Variants in DNER observed in about 807,000 individuals in gnomAD.
DNER encodes delta/notch like EGF repeat containing.
Under a neutral mutation model 78.2 loss-of-function variants are expected in DNER, and 33 were observed. That is an observed-to-expected ratio of 0.42 (90% CI 0.32 to 0.56). The LOEUF is 0.56. DNER is among the 20% of genes least tolerant of loss of function. DNER has a pLI of 0.11. For synonymous variants in DNER, 417 were observed against 384.8 expected, an observed-to-expected ratio of 1.08 and a Z score of -0.98; for missense variants, 918 against 975.3, an observed-to-expected ratio of 0.94 and a Z score of 0.78.
At chr2:229,636,747 C>A (rs1195068325) in intron 1 of DNER, among the ~76,000 whole-genome samples, 2 of 152,122 alleles carry the variant, frequency 1.3e-5, no homozygotes, top group Non-Finnish European at 2.9e-5. Context: ...TTACCAGACT[C>A]CTTTGCAGTT....
At chr2:229,454,990 C>T (rs1411171940) in intron 7 of DNER, among the ~76,000 whole-genome samples, 1 of 151,830 alleles carries the variant, frequency 6.6e-6, no homozygotes, top group Non-Finnish European at 1.5e-5. Flanking sequence ...TGAGGTACAG[C>T]AATTATGAGA....
chr2:229,628,798 G>C (rs775899486), intron 1 of DNER, among the ~76,000 whole-genome samples: 6 of 152,140 alleles, frequency 3.9e-5, no homozygotes, highest in Non-Finnish European at 8.8e-5. Context: ...AGGGAACCTA[G>C]TTCTAACATC....
chr2:229,635,452 T>C (rs1373389292), intron 1 of DNER, among the ~76,000 whole-genome samples: 2 of 151,186 alleles, frequency 1.3e-5, no homozygotes, highest in East Asian at 1.9e-4. Context: ...CACTGTATGA[T>C]ACTGATCTGA....
At position 229,483,929 on chromosome 2, in the gene DNER, C is replaced by T. The variant is rs543588011; in HGVS notation, c.1148-6676G>A. Reference sequence around the variant, plus strand: ...GAGTAGGGCTGCATCCCTGGAGGCCCCTGTTGTATCCCCAGGGCACCTGTG... The same window carrying T: ...GAGTAGGGCTGCATCCCTGGAGGCCTCTGTTGTATCCCCAGGGCACCTGTG... On this transcript the variant is annotated intron_variant, in intron 6 of 12. Coordinates refer to ENST00000341772, the MANE Select transcript of DNER (RefSeq NM_139072.4). Among the ~76,000 whole-genome samples, 6 of 152,298 alleles carry T rather than the reference C, an allele frequency of 3.9e-5. 1 individual carries two copies. The South Asian group carries it at 1.2e-3, about 32-fold the overall frequency.
intron 7 of DNER, among the ~76,000 whole-genome samples, chr2:229,476,320 G>C (rs544250274): frequency 6.6e-6 from 1 of 152,236 alleles, no homozygotes; most frequent in Non-Finnish European, 1.5e-5. Context: ...GAAGCCAGTG[G>C]CCTCTTACCA....
rs184570559 is a variant in DNER at position 229,607,654 on chromosome 2, C to T, written c.277-15766G>A. On this transcript the variant is annotated intron_variant, in intron 1 of 12. Coordinates refer to ENST00000341772, the MANE Select transcript of DNER (RefSeq NM_139072.4). ...ATTATAAATCTATAACTACATTGAACAATGTTTCAGATGAGAGAGCACAGA... is the reference window on the plus strand; with the variant it reads ...ATTATAAATCTATAACTACATTGAATAATGTTTCAGATGAGAGAGCACAGA... 3.3e-5 allele frequency among the ~76,000 whole-genome samples: 5 copies of T among 152,202 alleles called. No individual in the cohort carries two copies. The East Asian group carries it at 9.6e-4, about 29-fold the overall frequency.
At chr2:229,585,771 G>T in intron 4 of DNER, 87 bp downstream of exon 4, 1 of 1,442,210 alleles carries the variant, frequency 6.9e-7, no homozygotes, top group Non-Finnish European at 9.5e-7. Flanking sequence ...GATTATCTGA[G>T]CAAAATTCCC....
At chr2:229,441,600 G>A (rs1482033214) in intron 8 of DNER, among the ~76,000 whole-genome samples, 1 of 152,206 alleles carries the variant, frequency 6.6e-6, no homozygotes. Flanking sequence ...CAAGACCAAT[G>A]CTGTATTTGG....
chr2:229,526,261 G>T (rs756474596), intron 5 of DNER, among the ~76,000 whole-genome samples: 1 of 152,166 alleles, frequency 6.6e-6, no homozygotes, highest in African/African-American at 2.4e-5. Context: ...AAGGAAATCT[G>T]CATACGACTT....
In DNER at chr2:229,543,359, C is replaced by T. The variant is rs145242542; in HGVS notation, c.993+3588G>A. 1.3e-3 allele frequency among the ~76,000 whole-genome samples: 195 copies of T among 152,278 alleles called. 1 individual carries two copies. Among genetic ancestry groups the T allele is most frequent in the Non-Finnish European group, 2.0e-3 (134 of 68,026 alleles). On this transcript the variant is annotated intron_variant, in intron 5 of 12. Coordinates refer to ENST00000341772, the MANE Select transcript of DNER (RefSeq NM_139072.4). Reference sequence around the variant, plus strand: ...GCCTTTTCAATGAGTCCATTTGAAGCTTCCAGGCAGAGCCTTCTAGCTAGA... The same window carrying T: ...GCCTTTTCAATGAGTCCATTTGAAGTTTCCAGGCAGAGCCTTCTAGCTAGA...
chr2:229,619,668 T>C (rs1458804088), intron 1 of DNER, among the ~76,000 whole-genome samples: 5 of 152,216 alleles, frequency 3.3e-5, no homozygotes, highest in Non-Finnish European at 7.3e-5. Context: ...TGAGGGACCA[T>C]TTCTTAAAAA....
At chr2:229,461,719 T>C (rs56282749) in intron 7 of DNER, among the ~76,000 whole-genome samples, 7 of 152,212 alleles carry the variant, frequency 4.6e-5, no homozygotes, top group African/African-American at 1.7e-4. Flanking sequence ...TTTACAATCT[T>C]CCTTGAAGAG....
intron 4 of DNER, 72 bp from the exon 5 acceptor site, chr2:229,547,164 C>T: frequency 6.4e-7 from 1 of 1,573,768 alleles, no homozygotes; most frequent in Non-Finnish European, 8.6e-7. Flanking sequence ...AAAGCTTTAC[C>T]AACAGCCTTT....
intron 1 of DNER, among the ~76,000 whole-genome samples, chr2:229,706,676 G>A (rs1559216253): frequency 6.6e-6 from 1 of 152,170 alleles, no homozygotes; most frequent in African/African-American, 2.4e-5. Flanking sequence ...AACGTATGTG[G>A]CTGTGCTCAA....
chr2:229,364,844 C>CTCT (rs1692306982), intron 12 of DNER, among the ~76,000 whole-genome samples: 1 of 75,478 alleles, frequency 1.3e-5, no homozygotes, highest in African/African-American at 5.6e-5. Flanking sequence ...CTCTCTCTCT[C>CTCT]TTTTTTTTTT....
chr2:229,567,695 C>T (rs970513275), intron 4 of DNER, among the ~76,000 whole-genome samples: 14 of 152,312 alleles, frequency 9.2e-5, no homozygotes, highest in Admixed American at 2.0e-4. Context: ...AGACCATGAA[C>T]AATGCCACCG....
intron 10 of DNER, among the ~76,000 whole-genome samples, 177 bp downstream of exon 10, chr2:229,407,055 G>A (rs184171716): frequency 2.0e-5 from 3 of 152,306 alleles, no homozygotes; most frequent in Non-Finnish European, 4.4e-5. Context: ...CATTTAATGA[G>A]GCTCACACAA....
At chr2:229,670,263 C>G (rs1559202908) in intron 1 of DNER, among the ~76,000 whole-genome samples, 1 of 152,260 alleles carries the variant, frequency 6.6e-6, no homozygotes, top group Non-Finnish European at 1.5e-5. Flanking sequence ...TGGGTTCTAT[C>G]AGGGAGACCC....
At chr2:229,420,428 A>T (rs1693740742) in intron 8 of DNER, among the ~76,000 whole-genome samples, 1 of 152,156 alleles carries the variant, frequency 6.6e-6, no homozygotes, top group Admixed American at 6.6e-5. Context: ...TTTAAGTTTG[A>T]AGCACCACTT....
Sources: allele counts gnomAD v4.1 joint callset (sites outside exome capture counted in the v4.1 genomes callset), GRCh38; gene constraint gnomAD v4.1.1; transcripts MANE v1.5; gene names NCBI Gene and HGNC (gene_info 2026-07-23, HGNC 2026-07-21).